Variants in RAD51B observed in about 807,000 individuals in gnomAD.
RAD51B encodes DNA repair protein RAD51 homolog 2.
RAD51B carries 38 observed loss-of-function variants against 42.2 expected under a neutral mutation model. That is an observed-to-expected ratio of 0.90 (90% confidence interval 0.70 to 1.18). The LOEUF (loss-of-function observed/expected upper bound fraction) is 1.18, where lower values mean the gene tolerates loss of function less well. Ranked by LOEUF, RAD51B falls within the 50% of genes most tolerant of loss-of-function variation. The pLI, the probability that RAD51B is intolerant of heterozygous loss-of-function variation, is 0.00. For missense variants in RAD51B, 373 were observed against 400.7 expected (o/e 0.93, Z 0.59); for synonymous variants, 154 against 145.2 (o/e 1.06, Z -0.43).
chr14:68,058,865 C>T (rs2076522141), intron 7 of RAD51B, among the ~76,000 whole-genome samples: 1 of 152,140 alleles, frequency 6.6e-6, no homozygotes, highest in South Asian at 2.1e-4. Context: ...TATATTTCCA[C>T]CAATAACACA....
intron 10 of RAD51B, chr14:68,563,761 A>ACT: frequency 1.0e-6 from 1 of 985,256 alleles, no homozygotes; most frequent in African/African-American, 1.7e-5. Context: ...GACTGTATAA[A>ACT]CTCTGAGGCG....
At chr14:68,595,308 T>C (rs1337648421) in exon 11 of RAD51B, 7 of 1,066,272 alleles carry the variant, frequency 6.6e-6, no homozygotes, top group Non-Finnish European at 8.0e-6. Context: ...CCTTTGCTGT[T>C]ACAATAAGCT....
intron 9 of RAD51B, among the ~76,000 whole-genome samples, chr14:68,425,700 G>C (rs2084814738): frequency 6.6e-6 from 1 of 152,244 alleles, no homozygotes. Flanking sequence ...GGTACTAGGA[G>C]TGTGGTGATT....
intron 4 of RAD51B, among the ~76,000 whole-genome samples, chr14:67,850,155 C>T (rs1040113232): frequency 6.6e-6 from 1 of 152,126 alleles, no homozygotes; most frequent in African/African-American, 2.4e-5. Context: ...GCCATCATGC[C>T]TGGCTAATTT....
chr14:68,239,997 C>T (rs1349281070), intron 7 of RAD51B, among the ~76,000 whole-genome samples: 1 of 152,232 alleles, frequency 6.6e-6, no homozygotes, highest in African/African-American at 2.4e-5. Context: ...ACTGTCTGTC[C>T]ATGAGAACAT....
chr14:68,611,735 C>A (rs1891688130), downstream of RAD51B, among the ~76,000 whole-genome samples: 1 of 152,212 alleles, frequency 6.6e-6, no homozygotes, highest in Non-Finnish European at 1.5e-5. Flanking sequence ...TTTACATATT[C>A]TTTGCACCTG....
intron 5 of RAD51B, among the ~76,000 whole-genome samples, chr14:67,880,415 A>C (rs1338052520): frequency 6.6e-6 from 1 of 152,208 alleles, no homozygotes; most frequent in East Asian, 1.9e-4. Flanking sequence ...CCAATTGTAC[A>C]GATGTTTTTC....
Position 67,864,999 on chromosome 14 carries a change from T to TTTTTTA in RAD51B, c.316-3_316-2insTTTTAT. 6.4e-6 allele frequency: 8 copies of TTTTTTA among 1,256,484 alleles called. No individual in the cohort carries two copies. Among genetic ancestry groups the TTTTTTA allele is most frequent in the Non-Finnish European group, 8.1e-6 (8 of 987,680 alleles). 77.8% of individuals were successfully genotyped at this position (1,256,484 alleles called of 1,614,324 possible). ...TTTTTTTTTTTTTTTTTTTTTTTTTTTAGATTACAGGTCCACCAGGTTGTG... is the reference window on the plus strand; with the variant it reads ...TTTTTTTTTTTTTTTTTTTTTTTTTTTTTTTATAGATTACAGGTCCACCAGGTTGTG... On this transcript the variant is annotated splice_region_variant and splice_polypyrimidine_tract_variant and intron_variant, in intron 4 of 10. Transcript: ENST00000471583.
rs923166585 is a variant in RAD51B, at chr14:68,007,558, C to T, written c.756+120354C>T. Among the ~76,000 whole-genome samples the T allele has an allele frequency of 5.3e-5, 8 of 151,976 alleles. No homozygotes were observed. The East Asian group carries it at 5.8e-4, about 11-fold the overall frequency. ...AAAAAAATTATACCTGCTATTCTAA[C>T]GAGTATGAAGTGGTATATCATGGTT... On this transcript the variant is annotated intron_variant, in intron 7 of 10. Transcript: ENST00000471583.
intron 7 of RAD51B, among the ~76,000 whole-genome samples, chr14:68,280,770 T>G (rs2139622649): frequency 6.6e-6 from 1 of 152,268 alleles, no homozygotes; most frequent in Admixed American, 6.5e-5. Flanking sequence ...GTCAGGGTAT[T>G]ATCTAGGGCA....
chr14:68,626,736 C>T (rs1012412575), intron 10 of RAD51B, among the ~76,000 whole-genome samples: 1 of 152,178 alleles, frequency 6.6e-6, no homozygotes, highest in Non-Finnish European at 1.5e-5. Context: ...CTTCTTACAA[C>T]CAAGCCTTGG....
intron 7 of RAD51B, among the ~76,000 whole-genome samples, chr14:68,181,265 T>C (rs1008202986): frequency 6.6e-6 from 1 of 152,220 alleles, no homozygotes; most frequent in Non-Finnish European, 1.5e-5. Flanking sequence ...GCTCCATGAA[T>C]ACCTTGCCAT....
At chr14:68,106,887 C>A (rs2077384844) in intron 7 of RAD51B, among the ~76,000 whole-genome samples, 1 of 151,794 alleles carries the variant, frequency 6.6e-6, no homozygotes, top group Non-Finnish European at 1.5e-5. Context: ...AAAGTCCTGG[C>A]CCATAAATAT....
At chr14:67,947,836 T>A (rs1308903086) in intron 7 of RAD51B, among the ~76,000 whole-genome samples, 1 of 152,178 alleles carries the variant, frequency 6.6e-6, no homozygotes, top group Non-Finnish European at 1.5e-5. Context: ...AATGGAAAAA[T>A]CTGCAGCCTA....
chr14:68,270,250 G>A (rs990142800), intron 7 of RAD51B, among the ~76,000 whole-genome samples: 1 of 152,176 alleles, frequency 6.6e-6, no homozygotes, highest in East Asian at 1.9e-4. Flanking sequence ...AAATTTGTTT[G>A]TGACCTGTAA....
chr14:68,388,305 C>T (rs2083653337), intron 8 of RAD51B, among the ~76,000 whole-genome samples: 1 of 151,822 alleles, frequency 6.6e-6, no homozygotes, highest in African/African-American at 2.4e-5. Flanking sequence ...GCTGTGTTGG[C>T]CCGGTTGATC....
At chr14:68,585,995 C>T (rs1269329073) in intron 10 of RAD51B, among the ~76,000 whole-genome samples, 2 of 152,162 alleles carry the variant, frequency 1.3e-5, no homozygotes, top group Non-Finnish European at 2.9e-5. Flanking sequence ...CAAGGCCCTG[C>T]AAAGCATCCA....
chr14:68,420,157 C>G (rs1437908086), intron 9 of RAD51B, among the ~76,000 whole-genome samples: 1 of 152,006 alleles, frequency 6.6e-6, no homozygotes, highest in African/African-American at 2.4e-5. Flanking sequence ...TATTTGAAAC[C>G]AAGTTTGTAT....
chr14:67,889,695 CT>C (rs1438143395), intron 7 of RAD51B, among the ~76,000 whole-genome samples: 8 of 151,758 alleles, frequency 5.3e-5, no homozygotes, highest in Non-Finnish European at 7.4e-5. Context: ...TATGCTGTTG[CT>C]TTTTTCTACG....
Sources: gnomAD v4.1 joint callset for allele counts (sites outside exome capture counted in the v4.1 genomes callset) on GRCh38, gnomAD v4.1.1 for gene constraint, MANE v1.5 for transcripts, NCBI Gene and HGNC (gene_info 2026-07-23, HGNC 2026-07-21) for gene names.